The following TMEM138 variants were observed in gnomAD, a reference collection of about 807,000 sequenced individuals.
The protein encoded by TMEM138 is transmembrane protein 138.
TMEM138 carries 9 observed loss-of-function variants against 18.1 expected under a neutral mutation model. The ratio of observed to expected loss-of-function variants is 0.50; its 90% confidence interval spans 0.30 to 0.87. TMEM138 has a LOEUF of 0.87. TMEM138 is among the 40% of genes least tolerant of loss of function. The pLI is 0.06. For missense variants in TMEM138, 189 were observed against 190.6 expected, an observed-to-expected ratio of 0.99 and a Z score of 0.05; for synonymous variants, 79 against 74.8, an observed-to-expected ratio of 1.06 and a Z score of -0.29.
chr11:61,373,619 T>C (rs1226075423), downstream of TMEM138, among the ~76,000 whole-genome samples: 4 of 152,192 alleles, frequency 2.6e-5, no homozygotes, highest in African/African-American at 9.6e-5. Flanking sequence ...AATCAAATTA[T>C]AAATAATGTC....
downstream of TMEM138, among the ~76,000 whole-genome samples, chr11:61,373,705 C>A (rs1858395161): frequency 6.6e-6 from 1 of 151,848 alleles, no homozygotes; most frequent in African/African-American, 2.4e-5. Flanking sequence ...ATTTGGCTTA[C>A]TTGGTATAAA....
At chr11:61,372,294 A>G (rs1457115477), downstream of TMEM138, among the ~76,000 whole-genome samples, 3 of 151,896 alleles carry the variant, frequency 2.0e-5, no homozygotes, top group Admixed American at 6.6e-5. Context: ...TATAGAAGGC[A>G]AGGTTCTTGG....
chr11:61,371,587 G>T (rs1303071479), downstream of TMEM138, among the ~76,000 whole-genome samples: 1 of 152,188 alleles, frequency 6.6e-6, no homozygotes, highest in South Asian at 2.1e-4. Context: ...GATGATGCTT[G>T]TATTGATGAA....
At chr11:61,375,361 T>C (rs1371941055), downstream of TMEM138, among the ~76,000 whole-genome samples, 1 of 148,392 alleles carries the variant, frequency 6.7e-6, no homozygotes, top group Non-Finnish European at 1.5e-5. Context: ...TCACTCTTTT[T>C]GCCCAGGCTG....
At chr11:61,372,021 C>T (rs1858354825), downstream of TMEM138, among the ~76,000 whole-genome samples, 1 of 151,764 alleles carries the variant, frequency 6.6e-6, no homozygotes, top group African/African-American at 2.4e-5. Flanking sequence ...GCTAAGAATA[C>T]AAAAATTAGG....
At chr11:61,376,742 C>G (rs1258305446), downstream of TMEM138, among the ~76,000 whole-genome samples, 1 of 152,122 alleles carries the variant, frequency 6.6e-6, no homozygotes, top group Non-Finnish European at 1.5e-5. Context: ...TTGTTGTTCT[C>G]CCTTCCTCCC....
chr11:61,372,177 GAAAA>G (rs34248583), downstream of TMEM138, among the ~76,000 whole-genome samples: 1 of 128,900 alleles, frequency 7.8e-6, no homozygotes, highest in East Asian at 2.3e-4. Flanking sequence ...CTCTGTCTCA[GAAAA>G]AAAAAAAAAA....
chr11:61,372,390 C>G (rs936827750), downstream of TMEM138, among the ~76,000 whole-genome samples: 1 of 150,770 alleles, frequency 6.6e-6, no homozygotes, highest in Non-Finnish European at 1.5e-5. Context: ...CAACCTCTGC[C>G]TCTTGGGTTT....
At chr11:61,368,381 A>G (rs1290517045) in intron 4 of TMEM138, 3 of 521,086 alleles carry the variant, frequency 5.8e-6, no homozygotes, top group African/African-American at 3.8e-5. Flanking sequence ...GCCCGCCACC[A>G]CGCCCAGCTA....
At chr11:61,373,847 T>A (rs1450015269), downstream of TMEM138, among the ~76,000 whole-genome samples, 4 of 151,886 alleles carry the variant, frequency 2.6e-5, no homozygotes, top group African/African-American at 9.7e-5. Context: ...TTTTTATTTT[T>A]TTTTTTTTTA....
chr11:61,364,669 T>A, intron 2 of TMEM138, 151 bp downstream of exon 2: 1 of 1,077,444 alleles, frequency 9.3e-7, no homozygotes, highest in South Asian at 1.7e-5. Context: ...CAGGAGGATC[T>A]TTTGAGGCTG....
downstream of TMEM138, among the ~76,000 whole-genome samples, chr11:61,371,199 T>C (rs1175074177): frequency 6.6e-6 from 1 of 152,118 alleles, no homozygotes; most frequent in Non-Finnish European, 1.5e-5. Flanking sequence ...CACGCCCAGC[T>C]AATTTTTGTA....
chr11:61,362,517 C>A, intron 1 of TMEM138, 97 bp downstream of exon 1: 1 of 152,296 alleles, frequency 6.6e-6, no homozygotes, highest in Non-Finnish European at 1.5e-5. Flanking sequence ...TTGTTGTTTG[C>A]CAAGGAAGCC....
intron 1 of TMEM138, chr11:61,363,007 G>GCGGGAGGATCACGAGGT (rs1292661243): frequency 1.3e-5 from 2 of 152,288 alleles, no homozygotes; most frequent in African/African-American, 4.8e-5. Flanking sequence ...GGAGGCCGAG[G>GCGGGAGGATCACGAGGT]CGGGAGGATC....
downstream of TMEM138, among the ~76,000 whole-genome samples, chr11:61,370,982 T>G (rs530814511): frequency 2.0e-5 from 3 of 152,244 alleles, no homozygotes; most frequent in South Asian, 6.2e-4. Flanking sequence ...AAAGGGAAAG[T>G]TAAGCCTGGA....
At chr11:61,372,078 A>C (rs941815455), downstream of TMEM138, among the ~76,000 whole-genome samples, 4 of 151,236 alleles carry the variant, frequency 2.6e-5, no homozygotes, top group Admixed American at 6.6e-5. Flanking sequence ...CAGGAGGCTG[A>C]GGCAGGAGAA....
chr11:61,375,551 G>C (rs1858424277), downstream of TMEM138, among the ~76,000 whole-genome samples: 1 of 151,988 alleles, frequency 6.6e-6, no homozygotes, highest in Non-Finnish European at 1.5e-5. Context: ...TCAAACTCCT[G>C]ACCTCAGGCG....
At chr11:61,366,925 T>G (rs559151132) in intron 3 of TMEM138, 2 of 152,332 alleles carry the variant, frequency 1.3e-5, no homozygotes, top group South Asian at 4.1e-4. Context: ...AAAAACAGCC[T>G]TGTCCAAGAG....
At chr11:61,363,571 A>G (rs555319481) in intron 1 of TMEM138, 1 of 152,342 alleles carries the variant, frequency 6.6e-6, no homozygotes, top group South Asian at 2.1e-4. Context: ...AAAAGAAACA[A>G]CTGCCACTGT....
Sources: gnomAD v4.1 joint callset for allele counts (sites outside exome capture counted in the v4.1 genomes callset) on GRCh38, gnomAD v4.1.1 for gene constraint, MANE v1.5 for transcripts, NCBI Gene and HGNC (gene_info 2026-07-23, HGNC 2026-07-21) for gene names.